The following IL1RAPL1 variants were observed in gnomAD, a reference collection of about 807,000 sequenced individuals.
The protein encoded by IL1RAPL1 is interleukin-1 receptor accessory protein-like 1.
IL1RAPL1 carries 3 observed loss-of-function variants against 48.4 expected under a neutral mutation model. That is an observed-to-expected ratio of 0.06 (90% CI 0.03 to 0.16). The LOEUF is 0.16. Among genes scored for constraint, IL1RAPL1 ranks in the 10% least tolerant of loss-of-function variants. The pLI is 1.00. For missense variants in IL1RAPL1, 349 were observed against 530.6 expected, an observed-to-expected ratio of 0.66 and a Z score of 3.36; for synonymous variants, 185 against 187.7, an observed-to-expected ratio of 0.99 and a Z score of 0.12.
intron 2 of IL1RAPL1, among the ~76,000 whole-genome samples, chrX:28,978,002 C>A (rs1436932876): frequency 1.8e-5 from 2 of 111,994 alleles, no homozygotes; most frequent in African/African-American, 6.5e-5. Flanking sequence ...AAAGTGAACG[C>A]GTTTCAGTTT....
intron 1 of IL1RAPL1, among the ~76,000 whole-genome samples, chrX:28,628,938 A>G (rs1212137268): frequency 1.8e-5 from 2 of 111,753 alleles, no homozygotes; most frequent in Non-Finnish European, 3.8e-5. Flanking sequence ...TTATTCTCTA[A>G]CTCATTAAAA....
intron 2 of IL1RAPL1, among the ~76,000 whole-genome samples, chrX:29,124,390 A>G (rs987595352): frequency 1.5e-4 from 17 of 112,413 alleles, no homozygotes; most frequent in African/African-American, 5.2e-4. Context: ...TATTTGCTAT[A>G]TTAGGATTCC....
chrX:29,029,819 T>C (rs1388515897), intron 2 of IL1RAPL1, among the ~76,000 whole-genome samples: 8 of 111,887 alleles, frequency 7.2e-5, no homozygotes, highest in Non-Finnish European at 1.3e-4. Flanking sequence ...TCACCTAACC[T>C]AAGGTCACCT....
intron 5 of IL1RAPL1, among the ~76,000 whole-genome samples, chrX:29,561,592 T>C (rs1204318957): frequency 4.5e-5 from 5 of 111,836 alleles, no homozygotes; most frequent in African/African-American, 1.6e-4. Context: ...GCTTTCACTT[T>C]CCCCTGTGAA....
At chrX:28,927,987 T>TC (rs1480222024) in intron 2 of IL1RAPL1, among the ~76,000 whole-genome samples, 1 of 111,058 alleles carries the variant, frequency 9.0e-6, no homozygotes, top group Non-Finnish European at 1.9e-5. Flanking sequence ...GAGGCTTTTT[T>TC]CCCCTCAAAC....
intron 2 of IL1RAPL1, among the ~76,000 whole-genome samples, chrX:29,238,670 C>A (rs1253732331): frequency 8.9e-6 from 1 of 112,048 alleles, no homozygotes; most frequent in Non-Finnish European, 1.9e-5. Context: ...GTAGAGATCA[C>A]CAAGACCCAA....
At chrX:29,627,814 A>C (rs865934848) in intron 5 of IL1RAPL1, among the ~76,000 whole-genome samples, 64 of 112,308 alleles carry the variant, frequency 5.7e-4, no homozygotes, top group African/African-American at 1.7e-3. Flanking sequence ...TTAGGGGAGC[A>C]GCGTGAAGTA....
At chrX:28,819,991 TA>T (rs1473282526) in intron 2 of IL1RAPL1, among the ~76,000 whole-genome samples, 38 of 79,447 alleles carry the variant, frequency 4.8e-4, no homozygotes, top group Non-Finnish European at 7.4e-4. Context: ...TATATATATA[TA>T]TATATATATA....
chrX:29,158,931 TCCCCCCCCCTCCCTCCCTCTCC>T (rs763052466), intron 2 of IL1RAPL1, among the ~76,000 whole-genome samples: 5 of 55,617 alleles, frequency 9.0e-5, no homozygotes, highest in East Asian at 5.5e-4. Context: ...TCTCTCTCTC[TCCCCCCCCCTCCCTCCCTCTCC>T]CTCTCTCTCT....
At chrX:28,945,631 G>C (rs1013619924) in intron 2 of IL1RAPL1, among the ~76,000 whole-genome samples, 19 of 110,382 alleles carry the variant, frequency 1.7e-4, no homozygotes, top group African/African-American at 5.3e-4. Flanking sequence ...AAGAGCATTA[G>C]GACAAATTGC....
At chrX:29,160,345 G>A in intron 2 of IL1RAPL1, among the ~76,000 whole-genome samples, 1 of 110,833 alleles carries the variant, frequency 9.0e-6, no homozygotes, top group East Asian at 2.8e-4. Context: ...CATTAGATAT[G>A]GAGTTTTATT....
chrX:29,495,596 C>T (rs1935204236), intron 5 of IL1RAPL1, among the ~76,000 whole-genome samples: 1 of 111,249 alleles, frequency 9.0e-6, no homozygotes, highest in Admixed American at 9.6e-5. Flanking sequence ...AGTGTGTTAG[C>T]GATAAGGTGT....
At chrX:28,831,436 T>A (rs1053848638) in intron 2 of IL1RAPL1, among the ~76,000 whole-genome samples, 4 of 108,752 alleles carry the variant, frequency 3.7e-5, no homozygotes, top group African/African-American at 1.3e-4. Context: ...TCAGGTGAAA[T>A]AAAGAGAAAT....
chrX:29,882,776 T>C (rs1932058083), intron 6 of IL1RAPL1, among the ~76,000 whole-genome samples: 1 of 112,054 alleles, frequency 8.9e-6, no homozygotes, highest in African/African-American at 3.2e-5. Flanking sequence ...TTAAATGTTA[T>C]TAGTTCTGTG....
chrX:28,671,811 T>G (rs1260870297), intron 1 of IL1RAPL1, among the ~76,000 whole-genome samples: 1 of 112,029 alleles, frequency 8.9e-6, no homozygotes, highest in Non-Finnish European at 1.9e-5. Flanking sequence ...AGGTCCGCAC[T>G]GGTATTTATT....
intron 2 of IL1RAPL1, among the ~76,000 whole-genome samples, chrX:29,096,490 G>T (rs1928218125): frequency 9.0e-6 from 1 of 111,299 alleles, no homozygotes; most frequent in South Asian, 3.7e-4. Flanking sequence ...TGTAAGGTCA[G>T]TTGCCAATTA....
intron 2 of IL1RAPL1, among the ~76,000 whole-genome samples, chrX:29,219,479 A>G (rs1255337776): frequency 2.7e-5 from 3 of 111,382 alleles, no homozygotes; most frequent in South Asian, 3.8e-4. Context: ...ATAGTACAGT[A>G]TGATAATTGT....
At chrX:29,645,200 T>C (rs1925283245) in intron 5 of IL1RAPL1, among the ~76,000 whole-genome samples, 1 of 110,879 alleles carries the variant, frequency 9.0e-6, no homozygotes. Context: ...GGGTGGAGGG[T>C]GGAGTAGGAT....
At chrX:28,944,069 T>C (rs770725467) in intron 2 of IL1RAPL1, among the ~76,000 whole-genome samples, 1 of 111,123 alleles carries the variant, frequency 9.0e-6, no homozygotes, top group Admixed American at 9.7e-5. Flanking sequence ...TTATTTTTAG[T>C]TATGGAAGCC....
Sources: gnomAD v4.1 joint callset for allele counts (sites outside exome capture counted in the v4.1 genomes callset) on GRCh38, gnomAD v4.1.1 for gene constraint, MANE v1.5 for transcripts, NCBI Gene and HGNC (gene_info 2026-07-23, HGNC 2026-07-21) for gene names.